ESD: variants seen among roughly 807,000 people sequenced by gnomAD.
ESD encodes the protein esterase D.
ESD carries 34 observed loss-of-function variants against 38.1 expected under a neutral mutation model. The observed-to-expected ratio is 0.89, with a 90% CI of 0.68 to 1.19. The LOEUF is 1.19. Among genes scored for constraint, ESD ranks in the 50% most tolerant of loss-of-function variants. The pLI, the probability that ESD is intolerant of heterozygous loss-of-function variation, is 0.00. For missense variants in ESD, 334 were observed against 327.2 expected (o/e 1.02, Z -0.16); for synonymous variants, 97 against 107.0 (o/e 0.91, Z 0.58).
At chr13:46,780,907 G>A (rs1209477968) in intron 7 of ESD, among the ~76,000 whole-genome samples, 1 of 151,712 alleles carries the variant, frequency 6.6e-6, no homozygotes, top group East Asian at 1.9e-4. Context: ...TAAGATGCTA[G>A]TTGCTTTAAC....
intron 9 of ESD, among the ~76,000 whole-genome samples, chr13:46,772,551 G>A (rs1050088791): frequency 6.6e-5 from 10 of 152,196 alleles, no homozygotes; most frequent in Admixed American, 3.9e-4. Flanking sequence ...GTATTAAGCC[G>A]AGCATCCATC....
In ESD at chr13:46,792,244, G is replaced by A. The variant is rs546225019; in HGVS notation, c.-7-824C>T. 1.4e-4 allele frequency among the ~76,000 whole-genome samples: 22 copies of A among 152,018 alleles called. No individual in the cohort carries two copies. In the South Asian group the frequency reaches 3.1e-3, roughly 21 times the overall value. On this transcript the variant is annotated intron_variant, in intron 2 of 9. Coordinates refer to ENST00000378720, the MANE Select transcript of ESD (RefSeq NM_001984.2). The stretch of plus-strand genomic sequence containing the variant: ...AAGAAAGATTCCCTTTCTATTCCTA[G>A]AAACACTGTATTAGAATATAAGGCA...
intron 8 of ESD, among the ~76,000 whole-genome samples, chr13:46,779,692 G>A (rs939534875): frequency 1.0e-4 from 15 of 143,504 alleles, no homozygotes; most frequent in Admixed American, 9.1e-4. Flanking sequence ...AGAAAGTAGG[G>A]TTTTTTGTTG....
At chr13:46,788,929 G>A (rs1175827680) in intron 3 of ESD, among the ~76,000 whole-genome samples, 1 of 151,866 alleles carries the variant, frequency 6.6e-6, no homozygotes, top group African/African-American at 2.4e-5. Flanking sequence ...GACCAGTACT[G>A]CCGAACAGAA....
At chr13:46,781,135 C>G (rs1466577980) in intron 7 of ESD, among the ~76,000 whole-genome samples, 1 of 151,556 alleles carries the variant, frequency 6.6e-6, no homozygotes, top group African/African-American at 2.4e-5. Flanking sequence ...AAAGACATCC[C>G]TGGTAAGAAT....
At chr13:46,784,824 A>G (rs547233332) in intron 4 of ESD, among the ~76,000 whole-genome samples, 12 of 152,124 alleles carry the variant, frequency 7.9e-5, no homozygotes, top group Non-Finnish European at 1.6e-4. Context: ...TAAAGTTTCA[A>G]TTACTAAAAT....
intron 2 of ESD, 99 bp downstream of exon 2, chr13:46,793,298 G>C (rs1316274174): frequency 6.6e-6 from 1 of 152,360 alleles, no homozygotes; most frequent in African/African-American, 2.4e-5. Flanking sequence ...TTTTTCAATA[G>C]AATTTTTCTA....
intron 6 of ESD, 97 bp downstream of exon 6, chr13:46,782,570 T>C: frequency 7.4e-7 from 1 of 1,350,556 alleles, no homozygotes; most frequent in East Asian, 2.3e-5. Flanking sequence ...GTAACTTTTA[T>C]ACCCTAGTTT....
chr13:46,789,165 CT>C (rs1875303710), intron 3 of ESD, among the ~76,000 whole-genome samples: 1 of 152,156 alleles, frequency 6.6e-6, no homozygotes, highest in African/African-American at 2.4e-5. Context: ...CATCTGGAAA[CT>C]CTTTCTCCTC....
At position 46,777,636 on chromosome 13, in the gene ESD, A is replaced by C; in HGVS notation, c.601-13T>G. On this transcript the variant is annotated splice_polypyrimidine_tract_variant and intron_variant, in intron 8 of 9. Transcript: ENST00000378720. Reference sequence around the variant, plus strand: ...TAGCATCATAAGCCTGTAAAAAGAGAAGTAACATTGAAAAATAAATTCAAA... The same window carrying C: ...TAGCATCATAAGCCTGTAAAAAGAGCAGTAACATTGAAAAATAAATTCAAA... The C allele has an allele frequency of 6.3e-7, 1 of 1,578,402 alleles. No individual in the cohort carries two copies. Among genetic ancestry groups the C allele is most frequent in the Non-Finnish European group, 8.6e-7 (1 of 1,161,892 alleles).
chr13:46,782,383 C>G (rs1875034015), intron 6 of ESD, among the ~76,000 whole-genome samples: 1 of 151,780 alleles, frequency 6.6e-6, no homozygotes, highest in South Asian at 2.1e-4. Context: ...TAAAATACAT[C>G]CAAATGAACC....
At chr13:46,794,392 T>C (rs1875505973) in intron 1 of ESD, among the ~76,000 whole-genome samples, 1 of 152,160 alleles carries the variant, frequency 6.6e-6, no homozygotes, top group Non-Finnish European at 1.5e-5. Context: ...TGTAGTACAG[T>C]TGCATAATCA....
intron 3 of ESD, 119 bp downstream of exon 3, chr13:46,791,227 G>A (rs1875385113): frequency 1.4e-6 from 1 of 690,702 alleles, no homozygotes; most frequent in Non-Finnish European, 2.4e-6. Context: ...CAGAAAGAGA[G>A]TAAGCAAGTT....
intron 7 of ESD, among the ~76,000 whole-genome samples, chr13:46,780,739 CAA>C (rs1251027870): frequency 1.3e-5 from 2 of 151,648 alleles, no homozygotes; most frequent in Non-Finnish European, 3.0e-5. Context: ...GTACCAAAAA[CAA>C]AATATTTGAT....
At chr13:46,789,443 A>C (rs372372921) in intron 3 of ESD, among the ~76,000 whole-genome samples, 1 of 152,088 alleles carries the variant, frequency 6.6e-6, no homozygotes, top group Non-Finnish European at 1.5e-5. Flanking sequence ...AAAAATTCTT[A>C]ATCTACTTTC....
intron 4 of ESD, among the ~76,000 whole-genome samples, chr13:46,784,876 CTGTAGAGTGACAATA>C (rs2138296112): frequency 6.6e-6 from 1 of 152,096 alleles, no homozygotes; most frequent in South Asian, 2.1e-4. Context: ...AATTTTCAAA[CTGTAGAGTGACAATA>C]TGGTGCATAA....
At chr13:46,785,078 T>G (rs1875144276) in intron 4 of ESD, among the ~76,000 whole-genome samples, 1 of 152,070 alleles carries the variant, frequency 6.6e-6, no homozygotes, top group African/African-American at 2.4e-5. Context: ...TAATCATCTT[T>G]GTATTCTTCA....
chr13:46,796,379 T>G (rs1289090084), intron 1 of ESD, among the ~76,000 whole-genome samples: 1 of 152,202 alleles, frequency 6.6e-6, no homozygotes, highest in East Asian at 1.9e-4. Context: ...GCTCTGGGAA[T>G]TAAATGAGTT....
chr13:46,789,368 C>A (rs750302948), intron 3 of ESD, among the ~76,000 whole-genome samples: 3 of 152,204 alleles, frequency 2.0e-5, no homozygotes, highest in Non-Finnish European at 4.4e-5. Context: ...CCTTCAGAAT[C>A]CTGAAAGCAC....
Sources: gnomAD v4.1 joint callset for allele counts (sites outside exome capture counted in the v4.1 genomes callset) on GRCh38, gnomAD v4.1.1 for gene constraint, MANE v1.5 for transcripts, NCBI Gene and HGNC (gene_info 2026-07-23, HGNC 2026-07-21) for gene names.